ZNF280D: variants seen among roughly 807,000 people sequenced by gnomAD.
ZNF280D encodes suppressor of hairy wing homolog 4.
A neutral mutation model predicts 94.7 loss-of-function variants in ZNF280D; 39 were observed. The observed-to-expected ratio is 0.41, with a 90% CI of 0.32 to 0.54. The LOEUF is 0.54. Among genes scored for constraint, ZNF280D ranks in the 20% least tolerant of loss-of-function variants. The pLI is 0.22. For missense variants in ZNF280D, 1,090 were observed against 1,149.3 expected (o/e 0.95, Z 0.75); for synonymous variants, 398 against 377.6 (o/e 1.05, Z -0.63).
intron 7 of ZNF280D, among the ~76,000 whole-genome samples, chr15:56,691,571 T>C (rs1426703591): frequency 6.6e-6 from 1 of 152,158 alleles, no homozygotes; most frequent in African/African-American, 2.4e-5. Flanking sequence ...TGTGTTTGGC[T>C]TGTGTTGCTC....
rs187406672 is a variant in ZNF280D, at chr15:56,669,603, G to T, written c.1411-646C>A. Among the ~76,000 whole-genome samples, 76 of 150,268 alleles carry T rather than the reference G, an allele frequency of 5.1e-4. 1 individual carries two copies. The highest frequency in any genetic ancestry group is 6.8e-3 in the Middle Eastern group (2 of 294). ...ACTTTAATTAATTTAAATCTAAAAA[G>T]CCATATGTGGCTAGTAGCTACTACA... On this transcript the variant is annotated intron_variant, in intron 13 of 21. Coordinates refer to ENST00000267807, the MANE Select transcript of ZNF280D (RefSeq NM_017661.4).
intron 1 of ZNF280D, among the ~76,000 whole-genome samples, chr15:56,718,381 T>C (rs1375184459): frequency 2.6e-5 from 4 of 152,124 alleles, no homozygotes; most frequent in African/African-American, 9.7e-5. Context: ...AGGGCTTAAA[T>C]CAAAACTCCC....
chr15:56,676,537 TG>T (rs1596464294), intron 13 of ZNF280D, 132 bp downstream of exon 13: 1 of 657,690 alleles, frequency 1.5e-6, no homozygotes, highest in Non-Finnish European at 2.3e-6. Context: ...CAATTCAACT[TG>T]AAGTGTAAAT....
chr15:56,732,375 G>A (rs1182415247), intron 1 of ZNF280D, among the ~76,000 whole-genome samples: 1 of 152,214 alleles, frequency 6.6e-6, no homozygotes, highest in Non-Finnish European at 1.5e-5. Flanking sequence ...GAGGCACACA[G>A]CCCTAACAAT....
At chr15:56,716,499 T>A (rs2058049928) in intron 1 of ZNF280D, among the ~76,000 whole-genome samples, 1 of 144,182 alleles carries the variant, frequency 6.9e-6, no homozygotes. Context: ...AAGAAACCAT[T>A]GTGACTGAAA....
chr15:56,659,815 A>G (rs535632997), intron 16 of ZNF280D, among the ~76,000 whole-genome samples: 1 of 152,180 alleles, frequency 6.6e-6, no homozygotes, highest in South Asian at 2.1e-4. Context: ...AAAGTTTAAG[A>G]AACAGCAGCC....
At chr15:56,728,090 G>A (rs1478548280) in intron 1 of ZNF280D, among the ~76,000 whole-genome samples, 1 of 151,832 alleles carries the variant, frequency 6.6e-6, no homozygotes, top group African/African-American at 2.4e-5. Flanking sequence ...GGAGTGCAGT[G>A]ACACAATTGC....
intron 1 of ZNF280D, among the ~76,000 whole-genome samples, chr15:56,709,780 T>C (rs566645119): frequency 6.6e-6 from 1 of 152,202 alleles, no homozygotes; most frequent in Admixed American, 6.5e-5. Flanking sequence ...ACACTACATG[T>C]TCTCACTCAT....
intron 1 of ZNF280D, among the ~76,000 whole-genome samples, chr15:56,714,750 T>G (rs1408301602): frequency 6.6e-6 from 1 of 152,208 alleles, no homozygotes; most frequent in Admixed American, 6.5e-5. Context: ...TAAATCCAGA[T>G]GGATTCCTTG....
intron 19 of ZNF280D, 39 bp from the exon 20 acceptor site, chr15:56,643,036 T>C (rs772600637): frequency 1.5e-5 from 20 of 1,302,674 alleles, no homozygotes; most frequent in East Asian, 2.7e-5. Flanking sequence ...TTATTTTATA[T>C]GTACGATGGT....
At chr15:56,645,517 C>A (rs1288169302) in intron 19 of ZNF280D, among the ~76,000 whole-genome samples, 1 of 152,124 alleles carries the variant, frequency 6.6e-6, no homozygotes, top group African/African-American at 2.4e-5. Flanking sequence ...TTGCATTTTT[C>A]TGCAGGTCTT....
intron 1 of ZNF280D, among the ~76,000 whole-genome samples, chr15:56,723,148 C>T (rs1364364936): frequency 6.6e-6 from 1 of 151,790 alleles, no homozygotes; most frequent in African/African-American, 2.4e-5. Flanking sequence ...TTAGTGGGTG[C>T]AGCACACCAG....
At chr15:56,707,514 T>A (rs1271496333) in intron 1 of ZNF280D, among the ~76,000 whole-genome samples, 1 of 152,136 alleles carries the variant, frequency 6.6e-6, no homozygotes, top group African/African-American at 2.4e-5. Context: ...CTCGAAGAAA[T>A]GTGATGATTT....
chr15:56,669,892 A>ATATATATAATATATATATAT (rs2054604125), intron 13 of ZNF280D, among the ~76,000 whole-genome samples: 1 of 9,686 alleles, frequency 1.0e-4, no homozygotes, highest in Non-Finnish European at 1.7e-4. Context: ...TATATATTAT[A>ATATATATAATATATATATAT]TATATATATA....
chr15:56,643,452 T>C (rs1483146517), intron 19 of ZNF280D, among the ~76,000 whole-genome samples: 2 of 151,664 alleles, frequency 1.3e-5, no homozygotes, highest in South Asian at 2.1e-4. Context: ...CAACTAAATA[T>C]AACAATATTA....
intron 1 of ZNF280D, among the ~76,000 whole-genome samples, chr15:56,721,353 T>C (rs1180939388): frequency 6.6e-6 from 1 of 152,166 alleles, no homozygotes; most frequent in East Asian, 1.9e-4. Flanking sequence ...ACCAGCTTCA[T>C]TAGCCCTTAA....
chr15:56,662,493 T>C (rs1246392421), intron 16 of ZNF280D, among the ~76,000 whole-genome samples: 3 of 152,072 alleles, frequency 2.0e-5, no homozygotes, highest in African/African-American at 7.2e-5. Context: ...GACCCCCTTC[T>C]TCTCAAGAAG....
At chr15:56,671,602 G>C (rs1453082912) in intron 13 of ZNF280D, among the ~76,000 whole-genome samples, 1 of 152,094 alleles carries the variant, frequency 6.6e-6, no homozygotes, top group East Asian at 1.9e-4. Context: ...TTTGAAATCA[G>C]GTAGTGTGAT....
At chr15:56,720,970 T>TGC (rs1555428062) in intron 1 of ZNF280D, among the ~76,000 whole-genome samples, 3 of 26,520 alleles carry the variant, frequency 1.1e-4, no homozygotes, top group Admixed American at 6.3e-4. Context: ...GCATTTTTTT[T>TGC]GGGGGGGGGG....
Sources: gnomAD v4.1 joint callset for allele counts (sites outside exome capture counted in the v4.1 genomes callset) on GRCh38, gnomAD v4.1.1 for gene constraint, MANE v1.5 for transcripts, NCBI Gene and HGNC (gene_info 2026-07-23, HGNC 2026-07-21) for gene names.